MACF1: variants seen among roughly 807,000 people sequenced by gnomAD.
MACF1 encodes the protein microtubule actin crosslinking factor 1, also known as microtubule-actin cross-linking factor 1.
MACF1 carries 193 observed loss-of-function variants against 854.8 expected under a neutral mutation model. The observed-to-expected ratio is 0.23, with a 90% CI of 0.20 to 0.25. The LOEUF is 0.25. Among genes scored for constraint, MACF1 ranks in the 10% least tolerant of loss-of-function variants. The probability of loss-of-function intolerance (pLI) is 1.00; values close to 1 mark genes in which losing one functional copy is unlikely to be tolerated. For synonymous variants in MACF1, 3,185 were observed against 3,226.7 expected (o/e 0.99, Z 0.44); for missense variants, 7,722 against 8,929.1 (o/e 0.86, Z 5.45).
At chr1:39,339,836 A>G (rs1019550702) in intron 38 of MACF1, among the ~76,000 whole-genome samples, 1 of 152,142 alleles carries the variant, frequency 6.6e-6, no homozygotes, top group Non-Finnish European at 1.5e-5. Context: ...ATAGGATTGG[A>G]GTCACCATGA....
At chr1:39,435,445 T>A (rs756816064) in intron 69 of MACF1, 113 bp from the exon 70 acceptor site, 8 of 866,542 alleles carry the variant, frequency 9.2e-6, no homozygotes, top group African/African-American at 1.7e-5. Context: ...CCTTGCTGGT[T>A]TTTAACAATT....
Position 39,358,801 on chromosome 1 carries a change from C to T in MACF1, c.12048C>T (p.Asn4016=), listed in dbSNP as rs144925198. Reference sequence around the variant, plus strand: ...CCTGGATGCAGGCTTGTGAGGCCAACGTGGAGAAGCTCCTCTCAGATACTG... The same window carrying T: ...CCTGGATGCAGGCTTGTGAGGCCAATGTGGAGAAGCTCCTCTCAGATACTG... ...LQAWMQACEA[N]VEKLLSDTVA... is the part of the protein sequence containing the mutation. Residue 4016 remains asparagine, a synonymous_variant, in exon 46 of 101, where the codon AAC becomes AAT. Transcript: ENST00000564288. The T allele has an allele frequency of 1.5e-5, 24 of 1,613,828 alleles. No individual in the cohort carries two copies. In the Admixed American group the frequency reaches 1.5e-4, roughly 10 times the overall value.
At chr1:39,158,136 C>G (rs1643727533) in intron 2 of MACF1, among the ~76,000 whole-genome samples, 1 of 152,102 alleles carries the variant, frequency 6.6e-6, no homozygotes, top group African/African-American at 2.4e-5. Context: ...TTGAGGCCAG[C>G]AGTAGAAAGA....
intron 16 of MACF1, among the ~76,000 whole-genome samples, chr1:39,292,296 G>T (rs1645807317): frequency 2.0e-5 from 3 of 152,212 alleles, no homozygotes; most frequent in Admixed American, 2.0e-4. Context: ...GTCAGAATTA[G>T]TAAGTAGTGG....
rs1179849709 is a variant in MACF1, at chr1:39,448,775, T to C, written c.20258+12T>C. 2.5e-6 allele frequency: 4 copies of C among 1,600,356 alleles called. No homozygotes were observed. Among genetic ancestry groups the C allele is most frequent in the African/African-American group, 1.3e-5 (1 of 74,538 alleles). ...AAGTCTGTGGAGCGGTGAGCATGAA[T>C]GTCCCCTTCAGGGGTCTAACCGGGA... On this transcript the variant is annotated intron_variant, in intron 84 of 100. Coordinates refer to ENST00000564288, the MANE Select transcript of MACF1 (RefSeq NM_001394062.1).
chr1:39,346,731 G>A (rs144620820), intron 40 of MACF1, among the ~76,000 whole-genome samples: 2,205 of 152,130 alleles, frequency 0.014, 38 homozygotes, highest in African/African-American at 0.05. Flanking sequence ...GTGTTAGCCA[G>A]GATGGTCTCC....
intron 2 of MACF1, among the ~76,000 whole-genome samples, chr1:39,195,058 C>G (rs563574229): frequency 6.6e-6 from 1 of 152,306 alleles, no homozygotes; most frequent in South Asian, 2.1e-4. Context: ...GCAAAACTTA[C>G]ACTTGTGTTC....
rs1422208409 is a variant in MACF1, at chr1:39,332,531, G to C, written c.5943G>C (p.Leu1981=). Residue 1981 remains leucine (L), a synonymous_variant, in exon 37 of 101, where the codon CTG becomes CTC. Transcript: ENST00000564288. ...SYINVQNGQR[L]LLLDKELMET... is the part of the protein sequence containing the mutation. Reference sequence around the variant, plus strand: ...TTAATGTGCAAAATGGACAGAGGCTGCTTCTGTTAGATAAAGAGCTGATGG... The same window carrying C: ...TTAATGTGCAAAATGGACAGAGGCTCCTTCTGTTAGATAAAGAGCTGATGG... The C allele has an allele frequency of 1.2e-6, 2 of 1,614,126 alleles. No homozygotes were observed. Among genetic ancestry groups the C allele is most frequent in the Non-Finnish European group, 1.7e-6 (2 of 1,180,040 alleles).
rs776387864 is a variant in MACF1 at position 39,333,945 on chromosome 1, A to C, written c.7357A>C (p.Lys2453Gln). The change falls in exon 37 of 101, where the codon AAA (lysine) becomes CAA (glutamine). Residue 2453 changes from lysine (K) to glutamine (Q), a missense_variant. Transcript: ENST00000564288. Reference sequence around the variant, plus strand: ...AGCTTCCAAAGGTAGAGATGCTGAAAAAACAGTTAGGGAGAGATTAATTAG... The same window carrying C: ...AGCTTCCAAAGGTAGAGATGCTGAACAAACAGTTAGGGAGAGATTAATTAG... ...EKASKGRDAE[K>Q]TVRERLISLQ... 94 of 1,614,220 alleles carry C rather than the reference A, an allele frequency of 5.8e-5. 1 individual carries two copies. In the South Asian group the frequency reaches 6.4e-4, roughly 11 times the overall value.
In MACF1 at chr1:39,333,471, G is replaced by A. The variant is rs745911783; in HGVS notation, c.6883G>A (p.Gly2295Ser). ...TGTATTATCTGCACAGTTACTAGATGGTGGTATCTTTCATGAACAAACAGG... is the reference window on the plus strand; with the variant it reads ...TGTATTATCTGCACAGTTACTAGATAGTGGTATCTTTCATGAACAAACAGG... Reference protein sequence around the residue: ...LNVLSAQLLDGGIFHEQTGQK... With the variant: ...LNVLSAQLLDSGIFHEQTGQK... Residue 2295 changes from glycine to serine, a missense_variant, in exon 37 of 101, where the codon GGT becomes AGT. Gly to Ser is a moderately conservative substitution (Grantham distance 56). Around this residue, in one of 15 missense-constraint regions of MACF1, gnomAD observed 1,531 missense variants for 1,601.6 expected, o/e 0.96. Transcript: ENST00000564288. 2 of 1,614,032 alleles carry A rather than the reference G, an allele frequency of 1.2e-6. No homozygotes were observed. The highest frequency in any genetic ancestry group is 1.6e-4 in the Middle Eastern group (1 of 6,084).
At chr1:39,191,112 G>C (rs748031626) in intron 2 of MACF1, among the ~76,000 whole-genome samples, 1 of 151,872 alleles carries the variant, frequency 6.6e-6, no homozygotes. Context: ...GGGAAAAAAT[G>C]TAGGCAACTG....
chr1:39,259,994 G>A (rs751395555), intron 6 of MACF1, among the ~76,000 whole-genome samples: 4 of 152,100 alleles, frequency 2.6e-5, no homozygotes, highest in Non-Finnish European at 5.9e-5. Flanking sequence ...TAGTTGGTTC[G>A]CTAAGATTCT....
chr1:39,439,248 C>T, intron 71 of MACF1, 26 bp from the exon 72 acceptor site: 1 of 1,443,082 alleles, frequency 6.9e-7, no homozygotes. Context: ...AAGTCCTATT[C>T]ATATCTCTTT....
At chr1:39,402,732 T>C (rs1391974857) in intron 58 of MACF1, among the ~76,000 whole-genome samples, 1 of 152,234 alleles carries the variant, frequency 6.6e-6, no homozygotes, top group African/African-American at 2.4e-5. Flanking sequence ...CTCTTAGATA[T>C]TCATTGGCTT....
At chr1:39,177,488 G>T (rs1335694931) in intron 2 of MACF1, among the ~76,000 whole-genome samples, 1 of 152,138 alleles carries the variant, frequency 6.6e-6, no homozygotes, top group Non-Finnish European at 1.5e-5. Context: ...TGCATCATCA[G>T]TCCCTGGCTG....
In MACF1 at chr1:39,406,756, A is replaced by AAAAAAAAAAAAAAAAAC. The variant is rs746955922; in HGVS notation, c.15817-15616_15817-15615insAAAAAAAAAAAAAACAA. Among the ~76,000 whole-genome samples, 433 of 116,008 alleles carry AAAAAAAAAAAAAAAAAC rather than the reference A, an allele frequency of 3.7e-3. 54 individuals are homozygous for AAAAAAAAAAAAAAAAAC. The highest frequency in any genetic ancestry group is 8.8e-3 in the African/African-American group (228 of 26,054). The allele number at this position is 116,008 out of a possible 152,430, so 76.1% of individuals were successfully genotyped here. On this transcript the variant is annotated intron_variant, in intron 58 of 100. Transcript: ENST00000564288. ...TCTCACTCAAAAAAAAAAAAAAAAA[A>AAAAAAAAAAAAAAAAAC]AACATTCTTTATAATAGAATAACCA...
chr1:39,459,577 C>T (rs1264455199), intron 91 of MACF1, among the ~76,000 whole-genome samples: 1 of 152,146 alleles, frequency 6.6e-6, no homozygotes, highest in African/African-American at 2.4e-5. Flanking sequence ...AAATTTATCT[C>T]CAGATATGTA....
At chr1:39,142,735 A>C (rs189102591) in intron 2 of MACF1, among the ~76,000 whole-genome samples, 1 of 152,234 alleles carries the variant, frequency 6.6e-6, no homozygotes, top group East Asian at 1.9e-4. Flanking sequence ...CCAGGCTGAC[A>C]TGAGCCTCAG....
chr1:39,232,197 G>A (rs1254598187), intron 2 of MACF1, among the ~76,000 whole-genome samples: 1 of 151,034 alleles, frequency 6.6e-6, no homozygotes, highest in Non-Finnish European at 1.5e-5. Flanking sequence ...GGCATGTTAA[G>A]ACTCACCTAA....
Sources: allele counts gnomAD v4.1 joint callset (sites outside exome capture counted in the v4.1 genomes callset), GRCh38; gene constraint gnomAD v4.1.1; regional missense constraint gnomAD v4.1.1; transcripts MANE v1.5; gene names NCBI Gene and HGNC (gene_info 2026-07-23, HGNC 2026-07-21).